SAFB2: variants seen among roughly 807,000 people sequenced by gnomAD.
SAFB2 encodes the protein scaffold attachment factor B2.
SAFB2 carries 32 observed loss-of-function variants against 100.6 expected under a neutral mutation model. The observed-to-expected ratio is 0.32, with a 90% CI of 0.24 to 0.43. The LOEUF (loss-of-function observed/expected upper bound fraction) is 0.43. Among genes scored for constraint, SAFB2 ranks in the 20% least tolerant of loss-of-function variants. SAFB2 has a pLI of 1.00. For missense variants in SAFB2, 1,185 were observed against 1,163.4 expected, an observed-to-expected ratio of 1.02 and a Z score of -0.27; for synonymous variants, 500 against 439.4, an observed-to-expected ratio of 1.14 and a Z score of -1.72.
chr19:5,614,299 C>A (rs1187037351), intron 4 of SAFB2, among the ~76,000 whole-genome samples: 2 of 152,202 alleles, frequency 1.3e-5, no homozygotes, highest in Non-Finnish European at 2.9e-5. Flanking sequence ...TGGTCAATTT[C>A]TCTCTTTACT....
chr19:5,610,534 A>G (rs186465716), intron 8 of SAFB2, 105 bp downstream of exon 8: 18 of 849,720 alleles, frequency 2.1e-5, no homozygotes, highest in East Asian at 5.2e-5. Flanking sequence ...CCGGTAACCC[A>G]TAACAAAACA....
At chr19:5,611,040 G>C (rs2052898387) in intron 7 of SAFB2, 80 bp downstream of exon 7, 1 of 296,932 alleles carries the variant, frequency 3.4e-6, no homozygotes, top group Non-Finnish European at 6.2e-6. Flanking sequence ...GCCAATTGCA[G>C]AAAAAAACAG....
At chr19:5,617,005 T>C (rs2053047874) in intron 2 of SAFB2, among the ~76,000 whole-genome samples, 1 of 152,112 alleles carries the variant, frequency 6.6e-6, no homozygotes, top group African/African-American at 2.4e-5. Flanking sequence ...AGGATTCCTC[T>C]TAGATTCAGA....
rs529163203 is a variant in SAFB2 at position 5,587,422 on chromosome 19, T to C, written c.2706-23A>G. On this transcript the variant is annotated intron_variant, in intron 20 of 20. Coordinates refer to ENST00000252542, the MANE Select transcript of SAFB2 (RefSeq NM_014649.3). The surrounding 1 kb of genome is among the most constrained non-coding windows in gnomAD (Gnocchi z 4.9). The stretch of plus-strand genomic sequence containing the variant: ...CGCCTAGGAACAAAGTCAGACAATT[T>C]TTTTCCCCTTGAAGTGCTCAGCGTT... 1 of 1,595,916 alleles carries C rather than the reference T, an allele frequency of 6.3e-7. No homozygotes were observed. The highest frequency in any genetic ancestry group is 8.5e-7 in the Non-Finnish European group (1 of 1,170,752).
chr19:5,621,453 TC>T (rs2053143920), intron 1 of SAFB2, 57 bp from the exon 2 acceptor site: 1 of 1,093,682 alleles, frequency 9.1e-7, no homozygotes, highest in Non-Finnish European at 1.4e-6. Flanking sequence ...CACACACTGT[TC>T]CTTACAAGTA....
chr19:5,589,222 G>A (rs904081068), intron 18 of SAFB2, among the ~76,000 whole-genome samples: 11 of 152,204 alleles, frequency 7.2e-5, no homozygotes, highest in Non-Finnish European at 1.2e-4. Context: ...TTACACTCCC[G>A]AGGTATTTAC....
chr19:5,622,631 G>C lies in SAFB2; in HGVS notation c.85C>G (p.Arg29Gly). 1.2e-6 allele frequency: 2 copies of C among 1,611,760 alleles called. No homozygotes were observed. The highest frequency in any genetic ancestry group is 1.7e-6 in the Non-Finnish European group (2 of 1,179,490). Residue 29 changes from arginine (R) to glycine (G), a missense_variant, in exon 1 of 21, where the codon CGG (arginine) becomes GGG (glycine). Physicochemically the swap from Arg to Gly is moderately radical, Grantham distance 125. Coordinates refer to ENST00000252542, the MANE Select transcript of SAFB2 (RefSeq NM_014649.3). ...GPGVAETGTRRLSELRVIDLR... is the reference protein window; with the variant it reads ...GPGVAETGTRGLSELRVIDLR... The stretch of plus-strand genomic sequence containing the variant: ...TCGATCACCCGCAGCTCGCTGAGCC[G>C]CCTCGTCCCAGTCTCCGCAACGCCC...
chr19:5,589,948 G>A (rs985517740), intron 18 of SAFB2, among the ~76,000 whole-genome samples: 8 of 152,186 alleles, frequency 5.3e-5, no homozygotes, highest in African/African-American at 1.2e-4. Context: ...TACCACGGAC[G>A]GGGCAGGACT....
chr19:5,600,377 A>G, intron 11 of SAFB2, 117 bp from the exon 12 acceptor site: 1 of 1,380,920 alleles, frequency 7.2e-7, no homozygotes, highest in Non-Finnish European at 9.8e-7. Context: ...TCACCCCGGC[A>G]GCAATTAGGT....
chr19:5,621,476 T>C (rs1007298654), intron 1 of SAFB2, 80 bp from the exon 2 acceptor site: 20 of 947,898 alleles, frequency 2.1e-5, no homozygotes, highest in South Asian at 3.9e-5. Context: ...CAACCTCCCA[T>C]GAAACAAAGG....
At chr19:5,591,400 T>C (rs2052400176) in intron 17 of SAFB2, 1 of 175,388 alleles carries the variant, frequency 5.7e-6, no homozygotes, top group African/African-American at 2.5e-5. Flanking sequence ...TGCCTCAGCC[T>C]CCCGAGTAGC....
intron 9 of SAFB2, among the ~76,000 whole-genome samples, chr19:5,608,921 G>GCCT (rs201693292): frequency 0.014 from 2,148 of 152,072 alleles, 29 homozygotes; most frequent in Non-Finnish European, 0.02. Flanking sequence ...GGTGGTGGGT[G>GCCT]CCTGTAATCC....
intron 14 of SAFB2, among the ~76,000 whole-genome samples, chr19:5,594,788 G>C (rs1032914648): frequency 9.2e-5 from 14 of 152,178 alleles, no homozygotes; most frequent in Admixed American, 9.2e-4. Flanking sequence ...CAGGAGGATC[G>C]CTTGGGCCCA....
In SAFB2 at chr19:5,610,622, G is replaced by A. The variant is rs376065625; in HGVS notation, c.1195+17C>T. 54 of 1,550,068 alleles carry A rather than the reference G, an allele frequency of 3.5e-5. No individual in the cohort carries two copies. Among genetic ancestry groups the A allele is most frequent in the Admixed American group, 1.6e-4 (9 of 56,966 alleles). On this transcript the variant is annotated intron_variant, in intron 8 of 20. Transcript: ENST00000252542. ...GGAACCATACCTGGCTCCCTACCAC[G>A]TTAAATTAAATCATACCTTTTTCAT...
intron 13 of SAFB2, chr19:5,598,464 C>G (rs982956263): frequency 6.2e-6 from 2 of 323,596 alleles, no homozygotes; most frequent in African/African-American, 4.2e-5. Context: ...ATTAAGTCAA[C>G]CAAAGAGTAG....
chr19:5,594,110 A>G lies in SAFB2; in HGVS notation c.1988T>C (p.Leu663Pro), dbSNP rs774406449. Residue 663 changes from leucine (L) to proline (P), a missense_variant, in exon 15 of 21, where the codon CTA (leucine) becomes CCA (proline). Coordinates refer to ENST00000252542, the MANE Select transcript of SAFB2 (RefSeq NM_014649.3). ...AFHERKEKAR[L>P]QRERLQLECQ... Reference sequence around the variant, plus strand: ...CTCGAGCTGCAGGCGTTCCCGCTGTAGCCGGGCCTTCTCCTTCCGCTCATG... The same window carrying G: ...CTCGAGCTGCAGGCGTTCCCGCTGTGGCCGGGCCTTCTCCTTCCGCTCATG... The G allele has an allele frequency of 6.2e-7, 1 of 1,601,296 alleles. No homozygotes were observed. Among genetic ancestry groups the G allele is most frequent in the Non-Finnish European group, 8.5e-7 (1 of 1,178,348 alleles).
At chr19:5,607,844 C>A (rs2052810036) in intron 9 of SAFB2, among the ~76,000 whole-genome samples, 1 of 152,196 alleles carries the variant, frequency 6.6e-6, no homozygotes, top group South Asian at 2.1e-4. Flanking sequence ...CATCTGACGT[C>A]CTTGGTTTTG....
intron 11 of SAFB2, among the ~76,000 whole-genome samples, 160 bp from the exon 12 acceptor site, chr19:5,600,420 A>G (rs2052630881): frequency 6.6e-6 from 1 of 152,186 alleles, no homozygotes; most frequent in East Asian, 1.9e-4. Flanking sequence ...TAGTAATAAC[A>G]ATACTCCTCT....
intron 17 of SAFB2, among the ~76,000 whole-genome samples, chr19:5,590,717 C>T (rs1299052859): frequency 6.6e-6 from 1 of 152,228 alleles, no homozygotes; most frequent in Non-Finnish European, 1.5e-5. Context: ...CCTGTCTTCC[C>T]TGAGAAGTTG....
Sources: gnomAD v4.1 joint callset for allele counts (sites outside exome capture counted in the v4.1 genomes callset) on GRCh38, gnomAD v4.1.1 for gene constraint, Gnocchi (gnomAD v3.1) non-coding constraint, MANE v1.5 for transcripts, NCBI Gene and HGNC (gene_info 2026-07-23, HGNC 2026-07-21) for gene names.